AP3B1: variants seen among roughly 807,000 people sequenced by gnomAD.
AP3B1 encodes AP-3 complex subunit beta-1.
In AP3B1, 61 loss-of-function variants were observed where a neutral mutation model predicts 132.5. The observed-to-expected ratio is 0.46, with a 90% confidence interval of 0.37 to 0.57. The LOEUF (loss-of-function observed/expected upper bound fraction) is 0.57, where lower values mean the gene tolerates loss of function less well. Ranked by LOEUF, AP3B1 falls within the 20% of genes least tolerant of loss-of-function variation. The probability of loss-of-function intolerance (pLI) is 0.00; values close to 1 mark genes in which losing one functional copy is unlikely to be tolerated. For synonymous variants in AP3B1, 388 were observed against 438.3 expected, an observed-to-expected ratio of 0.89 and a Z score of 1.43; for missense variants, 1,120 against 1,289.4, an observed-to-expected ratio of 0.87 and a Z score of 2.01.
At chr5:78,271,482 T>G (rs527660864) in intron 1 of AP3B1, among the ~76,000 whole-genome samples, 51 of 152,218 alleles carry the variant, frequency 3.4e-4, no homozygotes, top group African/African-American at 1.2e-3. Context: ...CAAATAAATA[T>G]GAATATTCCT....
At chr5:78,231,252 C>T (rs752271277) in intron 3 of AP3B1, among the ~76,000 whole-genome samples, 3 of 152,148 alleles carry the variant, frequency 2.0e-5, no homozygotes, top group Non-Finnish European at 2.9e-5. Flanking sequence ...CGACTTACTG[C>T]AACCTCCGCC....
chr5:78,052,353 C>A (rs7729733), intron 22 of AP3B1, among the ~76,000 whole-genome samples: 12,180 of 152,108 alleles, frequency 0.08, 1,548 homozygotes, highest in African/African-American at 0.27. Context: ...TAAGCAGGCA[C>A]CAGCAAACCA....
chr5:78,173,136 TTC>T (rs1743994998), intron 11 of AP3B1, among the ~76,000 whole-genome samples: 1 of 152,212 alleles, frequency 6.6e-6, no homozygotes, highest in Admixed American at 6.5e-5. Context: ...TTGTTGTGAT[TTC>T]TGTTCTTTTA....
At chr5:78,188,913 T>C (rs1744712946) in intron 7 of AP3B1, among the ~76,000 whole-genome samples, 1 of 152,146 alleles carries the variant, frequency 6.6e-6, no homozygotes, top group Admixed American at 6.5e-5. Context: ...AGGAACGAGA[T>C]AATGTCCTTT....
intron 18 of AP3B1, 140 bp downstream of exon 18, chr5:78,115,986 T>A (rs1236496537): frequency 2.8e-6 from 2 of 710,262 alleles, no homozygotes; most frequent in Admixed American, 4.0e-5. Flanking sequence ...AAGAGTGATA[T>A]ATAAATGAAA....
intron 17 of AP3B1, among the ~76,000 whole-genome samples, chr5:78,122,876 T>C (rs1181228362): frequency 6.6e-6 from 1 of 152,048 alleles, no homozygotes; most frequent in African/African-American, 2.4e-5. Context: ...CAAGAAAGAG[T>C]CCGCATCGCC....
rs767072786 is a variant in AP3B1, at chr5:78,002,997, C to A, written c.3190G>T (p.Glu1064Ter). The change falls in exon 27 of 27, where the codon GAA (glutamate) becomes TAA (stop). Residue 1064 changes from glutamate to a stop codon, truncating the protein, a stop_gained. Coordinates refer to ENST00000255194, the MANE Select transcript of AP3B1 (RefSeq NM_003664.5). LOFTEE classifies it high-confidence loss of function. ...ATGATAAGCTGGGCTGTAGAGCCTTCCTTCAGTTCCACTGTGACTAGCATC... is the reference window on the plus strand; with the variant it reads ...ATGATAAGCTGGGCTGTAGAGCCTTACTTCAGTTCCACTGTGACTAGCATC... ...SLMLVTVELK[E>*]GSTAQLIINT... The A allele has an allele frequency of 6.2e-7, 1 of 1,614,208 alleles. No individual in the cohort carries two copies. The highest frequency in any genetic ancestry group is 8.5e-7 in the Non-Finnish European group (1 of 1,180,034).
intron 2 of AP3B1, among the ~76,000 whole-genome samples, chr5:78,263,428 T>A (rs1472192267): frequency 6.6e-6 from 1 of 152,226 alleles, no homozygotes; most frequent in African/African-American, 2.4e-5. Flanking sequence ...TTTCTACATA[T>A]AAGATGATGT....
chr5:78,289,861 CAT>C (rs562099784), intron 1 of AP3B1, among the ~76,000 whole-genome samples: 6 of 152,178 alleles, frequency 3.9e-5, no homozygotes, highest in Non-Finnish European at 8.8e-5. Context: ...ACCTACTATT[CAT>C]AATTGTGATG....
chr5:78,210,350 CA>C (rs1465083243), intron 7 of AP3B1, among the ~76,000 whole-genome samples: 1 of 152,050 alleles, frequency 6.6e-6, no homozygotes, highest in East Asian at 1.9e-4. Context: ...AATTGCTCAT[CA>C]AAAAACTACA....
intron 2 of AP3B1, among the ~76,000 whole-genome samples, chr5:78,252,219 C>G (rs1323061235): frequency 6.6e-6 from 1 of 152,200 alleles, no homozygotes; most frequent in African/African-American, 2.4e-5. Flanking sequence ...TGGTGAACCA[C>G]TGAGACTTGT....
chr5:78,169,867 A>G (rs1257741743), intron 11 of AP3B1, among the ~76,000 whole-genome samples: 1 of 151,902 alleles, frequency 6.6e-6, no homozygotes, highest in Non-Finnish European at 1.5e-5. Context: ...ACAACTCGTC[A>G]TTTACTTTAG....
intron 22 of AP3B1, among the ~76,000 whole-genome samples, chr5:78,056,653 T>C (rs1748827043): frequency 6.6e-6 from 1 of 152,228 alleles, no homozygotes; most frequent in Non-Finnish European, 1.5e-5. Flanking sequence ...AGAACTGTTC[T>C]CTAAAAGGTT....
At chr5:78,087,697 T>C in intron 22 of AP3B1, 1 of 985,220 alleles carries the variant, frequency 1.0e-6, no homozygotes. Flanking sequence ...ATAAATACTT[T>C]CCTTAGTATA....
chr5:78,114,047 T>G lies in AP3B1; in HGVS notation c.2078-124A>C. 4 of 1,054,974 alleles carry G rather than the reference T, an allele frequency of 3.8e-6. No homozygotes were observed. In the South Asian group the frequency reaches 6.0e-5, roughly 16 times the overall value. The allele number at this position is 1,054,974 out of a possible 1,614,324, so 65.4% of individuals were successfully genotyped here. A position where few individuals can be genotyped will look rare whatever the true frequency, so the allele number is the denominator to read the frequency against. ...TGAATTTTAGTTCAGTGGACACCAC[T>G]TGTTTAACATTTTATTCCCACACCC... On this transcript the variant is annotated intron_variant, in intron 18 of 26. Transcript: ENST00000255194.
Position 78,279,894 on chromosome 5 carries a change from T to C in AP3B1, c.129-12299A>G, listed in dbSNP as rs537122458. 1.0e-3 allele frequency among the ~76,000 whole-genome samples: 139 copies of C among 137,192 alleles called. 1 individual carries two copies. Among genetic ancestry groups the C allele is most frequent in the Middle Eastern group, 3.7e-3 (1 of 272 alleles). The allele number at this position is 137,192 out of a possible 152,430, so 90.0% of individuals were successfully genotyped here. A position where few individuals can be genotyped will look rare whatever the true frequency, so the allele number is the denominator to read the frequency against. ...TATATATATATATGACTTAAATATA[T>C]ATATATGACTTAAATATATATATAT... is the stretch of plus-strand genomic sequence containing the variant. On this transcript the variant is annotated intron_variant, in intron 1 of 26. Coordinates refer to ENST00000255194, the MANE Select transcript of AP3B1 (RefSeq NM_003664.5).
chr5:78,118,340 G>C (rs891634451), intron 17 of AP3B1, among the ~76,000 whole-genome samples: 1 of 152,184 alleles, frequency 6.6e-6, no homozygotes, highest in East Asian at 1.9e-4. Context: ...GACAGTGGGT[G>C]CAGCGCACTG....
chr5:78,100,989 G>A lies in AP3B1; in HGVS notation c.2434C>T (p.Leu812Phe), dbSNP rs200664741. 1.3e-6 allele frequency: 2 copies of A among 1,553,672 alleles called. No homozygotes were observed. Among genetic ancestry groups the A allele is most frequent in the Admixed American group, 1.7e-5 (1 of 59,110 alleles). Residue 812 changes from leucine to phenylalanine, a missense_variant, in exon 21 of 27, where the codon CTT (leucine) becomes TTT (phenylalanine). Leu to Phe is a conservative substitution (Grantham distance 22). Around this residue, in one of 3 missense-constraint regions of AP3B1, gnomAD observed 906 missense variants for 997.1 expected, o/e 0.91. Transcript: ENST00000255194. ...TCTAGAAGTGAAACATCTTTGGTAA[G>A]AGGAGTTCTATCTTGCTTTGTTTTC... is the stretch of plus-strand genomic sequence containing the variant. ...EKKTKQDRTP[L>F]TKDVSLLDLD...
intron 17 of AP3B1, among the ~76,000 whole-genome samples, chr5:78,127,279 A>G (rs1752501933): frequency 6.6e-6 from 1 of 152,208 alleles, no homozygotes; most frequent in Non-Finnish European, 1.5e-5. Context: ...AAAAGTATCC[A>G]GAATACAATT....
Sources: gnomAD v4.1 joint callset for allele counts (sites outside exome capture counted in the v4.1 genomes callset) on GRCh38, gnomAD v4.1.1 for gene constraint, gnomAD v4.1.1 regional missense constraint, MANE v1.5 for transcripts, NCBI Gene and HGNC (gene_info 2026-07-23, HGNC 2026-07-21) for gene names.